ARHGEF28: variants seen among roughly 807,000 people sequenced by gnomAD.
ARHGEF28 encodes 190 kDa guanine nucleotide exchange factor.
In ARHGEF28, 152 loss-of-function variants were observed where a neutral mutation model predicts 206.6. The ratio of observed to expected loss-of-function variants is 0.74; its 90% CI spans 0.64 to 0.84. The LOEUF (loss-of-function observed/expected upper bound fraction) is 0.84. Ranked by LOEUF, ARHGEF28 falls within the 40% of genes least tolerant of loss-of-function variation. The probability of loss-of-function intolerance (pLI) is 0.00; values close to 1 mark genes in which losing one functional copy is unlikely to be tolerated. For synonymous variants in ARHGEF28, 763 were observed against 776.4 expected (o/e 0.98, Z 0.29); for missense variants, 2,028 against 2,073.2 (o/e 0.98, Z 0.42).
chr5:73,839,790 A>G (rs1757873512), intron 10 of ARHGEF28, among the ~76,000 whole-genome samples: 1 of 152,118 alleles, frequency 6.6e-6, no homozygotes, highest in South Asian at 2.1e-4. Flanking sequence ...TCTTTCTTCT[A>G]ATGATGCTAT....
chr5:73,756,218 A>G (rs1279489970), intron 4 of ARHGEF28, among the ~76,000 whole-genome samples: 1 of 152,226 alleles, frequency 6.6e-6, no homozygotes, highest in Non-Finnish European at 1.5e-5. Context: ...AAACATATTA[A>G]GTTTTCAGTA....
At chr5:73,916,269 C>T (rs1488714664) in intron 35 of ARHGEF28, among the ~76,000 whole-genome samples, 1 of 152,114 alleles carries the variant, frequency 6.6e-6, no homozygotes, top group Non-Finnish European at 1.5e-5. Flanking sequence ...TGGAAAGAAG[C>T]TTTGCCCAAA....
chr5:73,880,120 C>T (rs868463476), intron 22 of ARHGEF28, among the ~76,000 whole-genome samples: 15 of 152,302 alleles, frequency 9.8e-5, no homozygotes, highest in African/African-American at 3.6e-4. Context: ...CCTAAGCGAG[C>T]CTGGGCAATG....
chr5:73,831,715 G>T (rs566886430), intron 9 of ARHGEF28, among the ~76,000 whole-genome samples: 1 of 152,344 alleles, frequency 6.6e-6, no homozygotes, highest in East Asian at 1.9e-4. Context: ...TTTTGAGACG[G>T]AGTTTCACTC....
intron 4 of ARHGEF28, among the ~76,000 whole-genome samples, chr5:73,763,307 A>G (rs924329127): frequency 6.6e-6 from 1 of 152,150 alleles, no homozygotes; most frequent in African/African-American, 2.4e-5. Flanking sequence ...TCATCCATTG[A>G]AGCTGTAGCT....
chr5:73,738,443 C>G (rs1212968909), intron 2 of ARHGEF28, among the ~76,000 whole-genome samples: 1 of 151,526 alleles, frequency 6.6e-6, no homozygotes, highest in Non-Finnish European at 1.5e-5. Context: ...ATGAGCATTG[C>G]TTGGCAGAGT....
chr5:73,898,311 G>A (rs1449347143), intron 30 of ARHGEF28: 5 of 451,568 alleles, frequency 1.1e-5, no homozygotes, highest in Non-Finnish European at 1.9e-5. Context: ...CTAAAGAGTA[G>A]TTGGTGGGTT....
In ARHGEF28 at chr5:73,686,026, C is replaced by T. The variant is rs143171009; in HGVS notation, c.33+1142C>T. On this transcript the variant is annotated intron_variant, in intron 2 of 35. Coordinates refer to ENST00000513042, the MANE Select transcript of ARHGEF28 (RefSeq NM_001177693.2). ...GTGCCTACTCACTCACCCTCACTCC[C>T]TTCTACACATGACACATACTTCTCT... Among the ~76,000 whole-genome samples the T allele has an allele frequency of 5.5e-4, 83 of 152,290 alleles. 2 individuals are homozygous for T. The highest frequency in any genetic ancestry group is 1.8e-3 in the African/African-American group (75 of 41,544).
chr5:73,713,352 A>G (rs1348005493), intron 2 of ARHGEF28, among the ~76,000 whole-genome samples: 1 of 152,094 alleles, frequency 6.6e-6, no homozygotes, highest in Non-Finnish European at 1.5e-5. Flanking sequence ...CTCTATCTTT[A>G]TCTCTTTTCT....
intron 35 of ARHGEF28, among the ~76,000 whole-genome samples, chr5:73,919,669 C>A (rs546460943): frequency 3.3e-5 from 5 of 152,282 alleles, no homozygotes; most frequent in African/African-American, 1.2e-4. Flanking sequence ...AAGAAAATGT[C>A]AAAAGCAGCC....
chr5:73,793,224 G>A (rs1754589074), intron 7 of ARHGEF28, among the ~76,000 whole-genome samples: 1 of 152,160 alleles, frequency 6.6e-6, no homozygotes, highest in Admixed American at 6.5e-5. Context: ...CAGATTTTTA[G>A]AAACACAAGA....
intron 9 of ARHGEF28, among the ~76,000 whole-genome samples, chr5:73,808,177 G>A (rs1755624676): frequency 6.6e-6 from 1 of 152,044 alleles, no homozygotes; most frequent in Non-Finnish European, 1.5e-5. Flanking sequence ...AACAGTGGTT[G>A]TACCATGCTC....
intron 3 of ARHGEF28, among the ~76,000 whole-genome samples, chr5:73,751,657 C>T (rs1752023782): frequency 6.6e-6 from 1 of 152,118 alleles, no homozygotes; most frequent in Non-Finnish European, 1.5e-5. Context: ...GACTCTCCTC[C>T]TCCTTCCTTA....
intron 2 of ARHGEF28, among the ~76,000 whole-genome samples, chr5:73,697,402 T>A (rs972674766): frequency 6.6e-6 from 1 of 152,202 alleles, no homozygotes; most frequent in Non-Finnish European, 1.5e-5. Context: ...AACTGGGTAA[T>A]TTATAAGAAA....
intron 35 of ARHGEF28, 52 bp from the exon 36 acceptor site, chr5:73,940,792 C>T (rs1273789904): frequency 1.5e-6 from 2 of 1,376,658 alleles, no homozygotes; most frequent in South Asian, 3.6e-5. Context: ...AAGACATCTG[C>T]CTTGTACATC....
At chr5:73,707,948 G>A (rs1749031733) in intron 2 of ARHGEF28, among the ~76,000 whole-genome samples, 1 of 151,892 alleles carries the variant, frequency 6.6e-6, no homozygotes, top group Admixed American at 6.6e-5. Context: ...GTTCATTCTA[G>A]TATTCACTCT....
intron 35 of ARHGEF28, among the ~76,000 whole-genome samples, chr5:73,934,925 GC>G (rs1764333571): frequency 6.6e-6 from 1 of 152,166 alleles, no homozygotes; most frequent in African/African-American, 2.4e-5. Flanking sequence ...AGAATTGTTT[GC>G]CCCATACTCC....
chr5:73,629,624 C>T (rs528296913), intron 1 of ARHGEF28, among the ~76,000 whole-genome samples: 2 of 151,892 alleles, frequency 1.3e-5, no homozygotes, highest in Admixed American at 1.3e-4. Context: ...AATTTGATCT[C>T]AGGCACAATA....
At chr5:73,862,229 A>G (rs1759446140) in intron 16 of ARHGEF28, among the ~76,000 whole-genome samples, 1 of 152,164 alleles carries the variant, frequency 6.6e-6, no homozygotes, top group Non-Finnish European at 1.5e-5. Flanking sequence ...TCATACCTTC[A>G]TTGCAGATTT....
Sources: allele counts gnomAD v4.1 joint callset (sites outside exome capture counted in the v4.1 genomes callset), GRCh38; gene constraint gnomAD v4.1.1; transcripts MANE v1.5; gene names NCBI Gene and HGNC (gene_info 2026-07-23, HGNC 2026-07-21).